CNOT6: variants seen among roughly 807,000 people sequenced by gnomAD.
CNOT6 encodes the protein CCR4-NOT transcription complex subunit 6.
In CNOT6, 12 loss-of-function variants were observed where a neutral mutation model predicts 61.2. The ratio of observed to expected loss-of-function variants is 0.20; its 90% CI spans 0.13 to 0.32. The LOEUF (loss-of-function observed/expected upper bound fraction) is 0.32. CNOT6 is among the 10% of genes least tolerant of loss of function. CNOT6 has a pLI of 1.00. For synonymous variants in CNOT6, 225 were observed against 240.6 expected, an observed-to-expected ratio of 0.94 and a Z score of 0.60; for missense variants, 405 against 663.9, an observed-to-expected ratio of 0.61 and a Z score of 4.28.
intron 4 of CNOT6, among the ~76,000 whole-genome samples, chr5:180,564,084 T>C (rs1479919616): frequency 6.6e-6 from 1 of 152,212 alleles, no homozygotes; most frequent in South Asian, 2.1e-4. Context: ...AGAGTTTTGA[T>C]TCTCTGATGC....
chr5:180,529,225 TTTTG>T (rs1241162974), intron 1 of CNOT6, 46 bp from the exon 2 acceptor site: 8 of 926,508 alleles, frequency 8.6e-6, no homozygotes, highest in African/African-American at 8.3e-5. Context: ...GTGTTGTGGC[TTTTG>T]TTTATTTGAT....
rs868628531 is a variant in CNOT6, at chr5:180,561,850, C to G, written c.386-2639C>G. 8.5e-5 allele frequency among the ~76,000 whole-genome samples: 13 copies of G among 152,328 alleles called. No homozygotes were observed. The Middle Eastern group carries it at 0.017, about 199-fold the overall frequency. ...TGACTCTCCTTGGCCTCCTCTGACA[C>G]CACCTCAGAGGGAGGAAGGGAGCTC... On this transcript the variant is annotated intron_variant, in intron 4 of 11. Coordinates refer to ENST00000261951, the MANE Select transcript of CNOT6 (RefSeq NM_001370472.1).
Position 180,577,599 on chromosome 5 carries a change from G to A in CNOT6, c.*3399G>A, listed in dbSNP as rs1003641886. The A allele has an allele frequency of 6.6e-6, 1 of 152,516 alleles. No individual in the cohort carries two copies. The highest frequency in any genetic ancestry group is 1.5e-5 in the Non-Finnish European group (1 of 68,018). 9.4% of individuals were successfully genotyped at this position (152,516 alleles called of 1,614,324 possible). ...GATGTTCACTTTGCTCTTCTTTTTG[G>A]TTACATACATTTTAATAACTGGTAT... is the stretch of plus-strand genomic sequence containing the variant. On this transcript the variant is annotated 3_prime_UTR_variant, in exon 12 of 12. Coordinates refer to ENST00000261951, the MANE Select transcript of CNOT6 (RefSeq NM_001370472.1).
At chr5:180,527,130 A>G (rs1051388058) in intron 1 of CNOT6, among the ~76,000 whole-genome samples, 2 of 152,180 alleles carry the variant, frequency 1.3e-5, no homozygotes, top group African/African-American at 4.8e-5. Flanking sequence ...AAGTGCTGGG[A>G]TTACAGGCAT....
At chr5:180,564,331 C>T (rs759956421) in intron 4 of CNOT6, among the ~76,000 whole-genome samples, 158 bp from the exon 5 acceptor site, 3 of 152,148 alleles carry the variant, frequency 2.0e-5, no homozygotes, top group African/African-American at 4.8e-5. Flanking sequence ...ATCATTTTTA[C>T]TTATATCAGA....
intron 8 of CNOT6, 145 bp from the exon 9 acceptor site, chr5:180,567,704 A>G (rs2127764239): frequency 2.0e-6 from 2 of 1,016,336 alleles, no homozygotes. Flanking sequence ...GGGAAGCTTG[A>G]TGCTGAACGT....
intron 1 of CNOT6, among the ~76,000 whole-genome samples, chr5:180,508,500 C>CG (rs1447142119): frequency 2.6e-5 from 4 of 151,912 alleles, no homozygotes; most frequent in Non-Finnish European, 5.9e-5. Context: ...TTATTAGAGA[C>CG]GGGGTTTCAC....
chr5:180,499,238 A>T (rs995262029), intron 1 of CNOT6, among the ~76,000 whole-genome samples: 2 of 152,240 alleles, frequency 1.3e-5, no homozygotes, highest in African/African-American at 4.8e-5. Flanking sequence ...CAGTCAAAAC[A>T]ATGAAAGTTA....
chr5:180,564,959 C>T (rs6894846), intron 6 of CNOT6, among the ~76,000 whole-genome samples: 70,873 of 152,132 alleles, frequency 0.47, 17,541 homozygotes, highest in Non-Finnish European at 0.56. Context: ...GCTTCTCAAA[C>T]GGGCAGTTTA....
intron 4 of CNOT6, 29 bp downstream of exon 4, chr5:180,553,500 G>T: frequency 6.5e-7 from 1 of 1,539,338 alleles, no homozygotes; most frequent in Non-Finnish European, 9.0e-7. Flanking sequence ...TACTTCTTAT[G>T]GTTTGTGTAT....
At chr5:180,565,080 A>G (rs560718834) in intron 6 of CNOT6, among the ~76,000 whole-genome samples, 17 of 152,374 alleles carry the variant, frequency 1.1e-4, no homozygotes, top group Admixed American at 2.0e-4. Flanking sequence ...TCAGCATTCT[A>G]TAGTACACGG....
chr5:180,533,159 G>A (rs1014984110), intron 2 of CNOT6, among the ~76,000 whole-genome samples: 36 of 152,018 alleles, frequency 2.4e-4, no homozygotes, highest in Non-Finnish European at 4.4e-4. Flanking sequence ...CTGGAATGAC[G>A]GTCTTCTGAC....
intron 1 of CNOT6, among the ~76,000 whole-genome samples, chr5:180,508,672 TAGAGC>T (rs1159812533): frequency 1.3e-5 from 2 of 151,894 alleles, no homozygotes; most frequent in African/African-American, 4.8e-5. Context: ...TCACCCAGGC[TAGAGC>T]ACAGGTGCCA....
At chr5:180,550,741 A>G (rs1759554496) in intron 3 of CNOT6, among the ~76,000 whole-genome samples, 1 of 152,200 alleles carries the variant, frequency 6.6e-6, no homozygotes, top group Non-Finnish European at 1.5e-5. Context: ...ACAGGGCACC[A>G]TACCATCCTT....
intron 4 of CNOT6, among the ~76,000 whole-genome samples, chr5:180,561,724 C>T (rs955860308): frequency 6.6e-6 from 1 of 152,144 alleles, no homozygotes; most frequent in African/African-American, 2.4e-5. Context: ...GTGGGGGCTC[C>T]TCGTTGCTTC....
chr5:180,566,336 T>C (rs1437538153), intron 7 of CNOT6, among the ~76,000 whole-genome samples: 2 of 152,188 alleles, frequency 1.3e-5, no homozygotes, highest in East Asian at 3.8e-4. Flanking sequence ...AGGCACCGTG[T>C]AAAAAGGACT....
chr5:180,531,075 G>C (rs1758342421), intron 2 of CNOT6, among the ~76,000 whole-genome samples: 1 of 152,046 alleles, frequency 6.6e-6, no homozygotes, highest in South Asian at 2.1e-4. Flanking sequence ...TCAATGAGCT[G>C]TTGGGTACAC....
chr5:180,506,169 A>G lies in CNOT6; in HGVS notation c.-3+11406A>G, dbSNP rs1186390102. 7.9e-5 allele frequency among the ~76,000 whole-genome samples: 12 copies of G among 152,268 alleles called. No individual in the cohort carries two copies. In the East Asian group the frequency reaches 1.4e-3, roughly 17 times the overall value. Reference sequence around the variant, plus strand: ...CTACAATTCAGTTACTAAGTGTGCAATCTTGGGTAAATTGCATAAACTGTG... The same window carrying G: ...CTACAATTCAGTTACTAAGTGTGCAGTCTTGGGTAAATTGCATAAACTGTG... On this transcript the variant is annotated intron_variant, in intron 1 of 11. Transcript: ENST00000261951.
chr5:180,535,992 T>G (rs1335895357), intron 2 of CNOT6, among the ~76,000 whole-genome samples: 158 of 19,178 alleles, frequency 8.2e-3, no homozygotes, highest in Non-Finnish European at 0.015. Context: ...ATTAGGGTTT[T>G]TTTTTTTTTT....
Sources: gnomAD v4.1 joint callset for allele counts (sites outside exome capture counted in the v4.1 genomes callset) on GRCh38, gnomAD v4.1.1 for gene constraint, MANE v1.5 for transcripts, NCBI Gene and HGNC (gene_info 2026-07-23, HGNC 2026-07-21) for gene names.